The following CYP2C8 variants were observed in gnomAD, a reference collection of about 807,000 sequenced individuals.
CYP2C8 encodes cytochrome P450 2C8.
In CYP2C8, 51 loss-of-function variants were observed where a neutral mutation model predicts 41.3. The observed-to-expected ratio is 1.24, with a 90% CI of 0.99 to 1.56. CYP2C8 has a LOEUF of 1.56. CYP2C8 is among the 40% of genes most tolerant of loss of function. The probability of loss-of-function intolerance (pLI) is 0.00; values close to 1 mark genes in which losing one functional copy is unlikely to be tolerated. For missense variants in CYP2C8, 651 were observed against 579.9 expected, an observed-to-expected ratio of 1.12 and a Z score of -1.26; for synonymous variants, 218 against 205.8, an observed-to-expected ratio of 1.06 and a Z score of -0.51.
At chr10:95,060,985 G>T (rs150502218) in intron 4 of CYP2C8, among the ~76,000 whole-genome samples, 1,892 of 152,276 alleles carry the variant, frequency 0.012, 56 homozygotes, top group African/African-American at 0.044. Context: ...GCATCCCAGG[G>T]ATGATGCCCA....
intron 3 of CYP2C8, among the ~76,000 whole-genome samples, chr10:95,065,425 G>T (rs181263545): frequency 1.3e-5 from 2 of 152,124 alleles, no homozygotes; most frequent in Non-Finnish European, 2.9e-5. Context: ...GAGATTGTGG[G>T]TGAATTCATG....
chr10:95,049,767 G>A (rs1485976844), intron 5 of CYP2C8, among the ~76,000 whole-genome samples: 2 of 152,230 alleles, frequency 1.3e-5, no homozygotes, highest in Non-Finnish European at 1.5e-5. Context: ...TGAGACAGCA[G>A]CTGGGGATGG....
chr10:95,045,986 A>T (rs776357859), intron 5 of CYP2C8, 35 bp from the exon 6 acceptor site: 1 of 1,611,168 alleles, frequency 6.2e-7, no homozygotes. Context: ...CTGACAAATT[A>T]TGTGCCAGTA....
At chr10:95,049,777 G>T (rs746180630) in intron 5 of CYP2C8, among the ~76,000 whole-genome samples, 11 of 152,000 alleles carry the variant, frequency 7.2e-5, no homozygotes, top group Non-Finnish European at 1.3e-4. Flanking sequence ...GCTGGGGATG[G>T]GTAAGGGAGT....
At chr10:95,068,652 G>C (rs2033618857) in intron 1 of CYP2C8, 1 of 1,280,874 alleles carries the variant, frequency 7.8e-7, no homozygotes, top group African/African-American at 1.5e-5. Context: ...AGGAGAAACA[G>C]CACTTTAAAC....
rs398102371 is a variant in CYP2C8 at position 95,067,515 on chromosome 10, A to G, written c.331+14T>C. ...CCCAGTTACCAAAGCTGACACAGAAATATGTGCACCTACCAAGTCCTTTAG... is the reference window on the plus strand; with the variant it reads ...CCCAGTTACCAAAGCTGACACAGAAGTATGTGCACCTACCAAGTCCTTTAG... On this transcript the variant is annotated intron_variant, in intron 2 of 8. Coordinates refer to ENST00000371270, the MANE Select transcript of CYP2C8 (RefSeq NM_000770.3). 3 of 1,614,146 alleles carry G rather than the reference A, an allele frequency of 1.9e-6. No homozygotes were observed. Among genetic ancestry groups the G allele is most frequent in the South Asian group, 2.2e-5 (2 of 91,070 alleles).
In CYP2C8 at chr10:95,066,753, G is replaced by A. The variant is rs1005551860; in HGVS notation, c.481+455C>T. Among the ~76,000 whole-genome samples the A allele has an allele frequency of 4.6e-5, 7 of 152,214 alleles. No homozygotes were observed. In the East Asian group the frequency reaches 5.8e-4, roughly 13 times the overall value. On this transcript the variant is annotated intron_variant, in intron 3 of 8. Transcript: ENST00000371270. ...TGAGTATGACCATATGAAAAAACTCGAATTAAATGAAAGCACATATAACTT... is the reference window on the plus strand; with the variant it reads ...TGAGTATGACCATATGAAAAAACTCAAATTAAATGAAAGCACATATAACTT...
rs1245114032 is a variant in CYP2C8, at chr10:95,058,368, G to T, written c.786C>A (p.Asp262Glu). The T allele has an allele frequency of 1.9e-6, 3 of 1,613,268 alleles. No individual in the cohort carries two copies. Among genetic ancestry groups the T allele is most frequent in the Non-Finnish European group, 1.7e-6 (2 of 1,179,590 alleles). ...TTTTGATCAGGAAGCAATCGATAAA[G>T]TCCCGAGGATTGTTAACATCCAGTG... Reference protein sequence around the residue: ...QASLDVNNPRDFIDCFLIKME... With the variant: ...QASLDVNNPREFIDCFLIKME... Residue 262 changes from aspartate to glutamate, a missense_variant, in exon 5 of 9, where the codon GAC (aspartate) becomes GAA (glutamate). Coordinates refer to ENST00000371270, the MANE Select transcript of CYP2C8 (RefSeq NM_000770.3).
rs997417898 is a variant in CYP2C8 at position 95,036,811 on chromosome 10, A to C, written c.*317T>G. 1.1e-5 allele frequency: 4 copies of C among 353,748 alleles called. No individual in the cohort carries two copies. Among genetic ancestry groups the C allele is most frequent in the Non-Finnish European group, 1.6e-5 (3 of 187,034 alleles). 21.9% of individuals were successfully genotyped at this position (353,748 alleles called of 1,614,324 possible). A position where few individuals can be genotyped will look rare whatever the true frequency, so the allele number is the denominator to read the frequency against. ...ATAACACTTTTTATTTAGCACATTC[A>C]CAAAAGAAATGGATCTAAATTATCA... On this transcript the variant is annotated 3_prime_UTR_variant, in exon 9 of 9. Transcript: ENST00000371270.
intron 4 of CYP2C8, among the ~76,000 whole-genome samples, chr10:95,062,896 G>A (rs2033470035): frequency 6.6e-6 from 1 of 152,138 alleles, no homozygotes; most frequent in South Asian, 2.1e-4. Context: ...CTTCACTTAT[G>A]AAGCTTAGTT....
At chr10:95,065,107 T>A in intron 3 of CYP2C8, 147 bp from the exon 4 acceptor site, 2 of 669,528 alleles carry the variant, frequency 3.0e-6, no homozygotes, top group Non-Finnish European at 4.3e-6. Context: ...ATGGATGAAA[T>A]AAACACATTA....
At chr10:95,064,421 T>C (rs530636813) in intron 4 of CYP2C8, among the ~76,000 whole-genome samples, 1 of 152,138 alleles carries the variant, frequency 6.6e-6, no homozygotes, top group East Asian at 1.9e-4. Context: ...CATGGGACCC[T>C]CCAAGCCAGG....
At chr10:95,040,091 A>G (rs1489357104) in intron 7 of CYP2C8, among the ~76,000 whole-genome samples, 1 of 152,202 alleles carries the variant, frequency 6.6e-6, no homozygotes, top group Non-Finnish European at 1.5e-5. Context: ...AGTAAACTGC[A>G]GGAGAAAAAA....
intron 5 of CYP2C8, among the ~76,000 whole-genome samples, chr10:95,055,070 A>G (rs1046973180): frequency 2.0e-5 from 3 of 152,178 alleles, no homozygotes; most frequent in Non-Finnish European, 4.4e-5. Context: ...TAATCTAAAG[A>G]TTGAATGTAA....
Position 95,058,357 on chromosome 10 carries a change from C to A in CYP2C8, c.797G>T (p.Cys266Phe), listed in dbSNP as rs377675927. 3 of 1,613,158 alleles carry A rather than the reference C, an allele frequency of 1.9e-6. No individual in the cohort carries two copies. The highest frequency in any genetic ancestry group is 1.7e-5 in the Admixed American group (1 of 59,898). The change falls in exon 5 of 9, where the codon TGC becomes TTC. Residue 266 changes from cysteine to phenylalanine, a missense_variant. Physicochemically the swap from Cys to Phe is radical, Grantham distance 205 (BLOSUM62 -2). Transcript: ENST00000371270. ...DVNNPRDFID[C>F]FLIKMEQEKD... ...TACCTGCTCCATTTTGATCAGGAAG[C>A]AATCGATAAAGTCCCGAGGATTGTT...
intron 5 of CYP2C8, among the ~76,000 whole-genome samples, chr10:95,057,452 A>G (rs2033335425): frequency 6.6e-6 from 1 of 152,192 alleles, no homozygotes; most frequent in African/African-American, 2.4e-5. Flanking sequence ...AGAAATTGAC[A>G]AGTTTATTCT....
chr10:95,042,592 A>T (rs1007228112), intron 7 of CYP2C8, among the ~76,000 whole-genome samples: 2 of 152,238 alleles, frequency 1.3e-5, no homozygotes, highest in Non-Finnish European at 2.9e-5. Flanking sequence ...AAGTCTTTCC[A>T]TATCGAACTA....
In CYP2C8 at chr10:95,067,550, G is replaced by A. The variant is rs1233586913; in HGVS notation, c.310C>T (p.Gln104Ter). 3.7e-6 allele frequency: 6 copies of A among 1,613,968 alleles called. No individual in the cohort carries two copies. Among genetic ancestry groups the A allele is most frequent in the Non-Finnish European group, 5.1e-6 (6 of 1,180,030 alleles). Residue 104 changes from glutamine to a stop codon, truncating the protein, a stop_gained, in exon 2 of 9, where the codon CAA becomes TAA. Coordinates refer to ENST00000371270, the MANE Select transcript of CYP2C8 (RefSeq NM_000770.3). LOFTEE classifies it high-confidence loss of function. ...CTACCAAGTCCTTTAGTAATTCTTT[G>A]AGATATTGGGGAATTGCCTCTTCCA... ...FSGRGNSPIS[Q>*]RITKGLGIIS...
intron 4 of CYP2C8, among the ~76,000 whole-genome samples, chr10:95,061,633 AT>A (rs2033438667): frequency 6.6e-6 from 1 of 151,820 alleles, no homozygotes; most frequent in Admixed American, 6.6e-5. Context: ...TTGTGTCTCT[AT>A]TTCCTTCAGT....
Sources: gnomAD v4.1 joint callset for allele counts (sites outside exome capture counted in the v4.1 genomes callset) on GRCh38, gnomAD v4.1.1 for gene constraint, MANE v1.5 for transcripts, NCBI Gene and HGNC (gene_info 2026-07-23, HGNC 2026-07-21) for gene names.